RASA2: variants seen among roughly 807,000 people sequenced by gnomAD.
The protein encoded by RASA2 is RAS p21 protein activator 2, also known as ras GTPase-activating protein 2.
A neutral mutation model predicts 118.2 loss-of-function variants in RASA2; 155 were observed. The observed-to-expected ratio is 1.31, with a 90% CI of 1.15 to 1.50. The LOEUF is 1.50. Among genes scored for constraint, RASA2 ranks in the 40% most tolerant of loss-of-function variants. The pLI, the probability that RASA2 is intolerant of heterozygous loss-of-function variation, is 0.00. For synonymous variants in RASA2, 353 were observed against 349.1 expected (o/e 1.01, Z -0.12); for missense variants, 1,016 against 1,009.6 (o/e 1.01, Z -0.09).
At chr3:141,547,827 A>G (rs1246355731) in intron 5 of RASA2, among the ~76,000 whole-genome samples, 1 of 152,168 alleles carries the variant, frequency 6.6e-6, no homozygotes, top group Non-Finnish European at 1.5e-5. Context: ...GATATGTACT[A>G]TATGGCTTTT....
chr3:141,602,528 A>G (rs955332465), intron 19 of RASA2, among the ~76,000 whole-genome samples: 2 of 152,142 alleles, frequency 1.3e-5, no homozygotes, highest in African/African-American at 4.8e-5. Context: ...GTACCAGTCT[A>G]TGGTCCAGAT....
At chr3:141,558,844 AT>A (rs772910072) in intron 7 of RASA2, 41 bp from the exon 8 acceptor site, 3 of 1,425,540 alleles carry the variant, frequency 2.1e-6, no homozygotes, top group South Asian at 1.2e-5. Flanking sequence ...GGAAAAATGT[AT>A]TTTTTTAAAA....
chr3:141,560,669 TG>T (rs890491831), intron 9 of RASA2, among the ~76,000 whole-genome samples: 3 of 152,194 alleles, frequency 2.0e-5, no homozygotes, highest in African/African-American at 7.2e-5. Flanking sequence ...GTGAAACTAT[TG>T]TTTTTTTTCT....
chr3:141,496,315 A>G (rs1161062890), intron 1 of RASA2, among the ~76,000 whole-genome samples: 1 of 152,222 alleles, frequency 6.6e-6, no homozygotes, highest in Non-Finnish European at 1.5e-5. Context: ...AAAATTGACA[A>G]ATGGGATCTC....
At chr3:141,555,201 G>A (rs1303428912) in intron 6 of RASA2, among the ~76,000 whole-genome samples, 4 of 152,138 alleles carry the variant, frequency 2.6e-5, no homozygotes, top group African/African-American at 9.7e-5. Flanking sequence ...CGAAGGTTAT[G>A]GTGAACCGAG....
intron 5 of RASA2, among the ~76,000 whole-genome samples, chr3:141,550,179 T>C (rs1012203549): frequency 2.6e-5 from 4 of 152,146 alleles, no homozygotes; most frequent in Admixed American, 2.0e-4. Context: ...AGCATAAGTG[T>C]GGTGACAAGA....
At chr3:141,585,922 TAATG>T (rs1394906683) in intron 17 of RASA2, 99 bp from the exon 18 acceptor site, 10 of 816,216 alleles carry the variant, frequency 1.2e-5, no homozygotes, top group South Asian at 2.2e-5. Context: ...TATTCATTAA[TAATG>T]AAGAACTTCC....
chr3:141,519,292 T>G (rs992378457), intron 3 of RASA2, among the ~76,000 whole-genome samples: 1 of 152,184 alleles, frequency 6.6e-6, no homozygotes, highest in Admixed American at 6.5e-5. Flanking sequence ...TGAAAAAAAT[T>G]TGCCAATATG....
intron 20 of RASA2, among the ~76,000 whole-genome samples, chr3:141,608,012 A>T (rs1379625643): frequency 6.6e-6 from 1 of 152,140 alleles, no homozygotes; most frequent in East Asian, 1.9e-4. Flanking sequence ...TAGTTTGTTA[A>T]GTTAAAAATA....
chr3:141,610,088 G>A (rs374072458), intron 23 of RASA2, 22 bp downstream of exon 23: 389 of 1,526,952 alleles, frequency 2.5e-4, no homozygotes, highest in Non-Finnish European at 3.3e-4. Flanking sequence ...TTAAGCTATT[G>A]TAAACATATT....
chr3:141,569,771 C>T (rs2082885552), intron 9 of RASA2, among the ~76,000 whole-genome samples: 1 of 151,870 alleles, frequency 6.6e-6, no homozygotes, highest in African/African-American at 2.4e-5. Context: ...TTTTTCAATC[C>T]CTACCCCCCT....
Position 141,487,061 on chromosome 3 carries a change from TGCGGCACGGGCC to T in RASA2, c.-21_-10del. The stretch of plus-strand genomic sequence containing the variant: ...CGCCCGGCTACGCAGGCGGCAGGGC[TGCGGCACGGGCC>T]GGGCGGCACCATGGCGGCGGCGGCG... On this transcript the variant is annotated 5_prime_UTR_variant, in exon 1 of 24. Transcript: ENST00000286364. 1 of 1,245,830 alleles carries T rather than the reference TGCGGCACGGGCC, an allele frequency of 8.0e-7. No individual in the cohort carries two copies. Among genetic ancestry groups the T allele is most frequent in the Non-Finnish European group, 1.0e-6 (1 of 989,110 alleles). 77.2% of individuals were successfully genotyped at this position (1,245,830 alleles called of 1,614,324 possible). A position where few individuals can be genotyped will look rare whatever the true frequency, so the allele number is the denominator to read the frequency against.
Position 141,496,030 on chromosome 3 carries a change from G to T in RASA2, c.133+8814G>T, listed in dbSNP as rs542382644. Among the ~76,000 whole-genome samples, 26 of 152,268 alleles carry T rather than the reference G, an allele frequency of 1.7e-4. 1 individual carries two copies. The South Asian group carries it at 5.4e-3, about 32-fold the overall frequency. On this transcript the variant is annotated intron_variant, in intron 1 of 23. Coordinates refer to ENST00000286364, the MANE Select transcript of RASA2 (RefSeq NM_006506.5). ...GTAGATGGATAAATACATAAAAAGA[G>T]GTCTGAACAGTTGTACAGATAACAG...
In RASA2 at chr3:141,500,426, T is replaced by C. The variant is rs575776343; in HGVS notation, c.134-11737T>C. On this transcript the variant is annotated intron_variant, in intron 1 of 23. Coordinates refer to ENST00000286364, the MANE Select transcript of RASA2 (RefSeq NM_006506.5). ...ATATACAAAATATTTTTTAAGTGTG[T>C]GAAAACTGATTAAATGATAAAGGCT... 5.3e-5 allele frequency among the ~76,000 whole-genome samples: 8 copies of C among 152,330 alleles called. No homozygotes were observed. The South Asian group carries it at 1.4e-3, about 28-fold the overall frequency.
intron 9 of RASA2, among the ~76,000 whole-genome samples, chr3:141,564,186 T>C (rs997429402): frequency 4.6e-5 from 7 of 152,148 alleles, no homozygotes; most frequent in African/African-American, 1.7e-4. Context: ...ATGTTAAGAC[T>C]GTAGGCCTGG....
At chr3:141,530,491 A>G (rs1002790332) in intron 4 of RASA2, among the ~76,000 whole-genome samples, 4 of 152,072 alleles carry the variant, frequency 2.6e-5, no homozygotes, top group Non-Finnish European at 4.4e-5. Context: ...ATTTATTTAT[A>G]AAATATGGTA....
In RASA2 at chr3:141,577,042, T is replaced by TTC; in HGVS notation, c.1528_1529dup (p.Arg511PhefsTer6). 6.2e-7 allele frequency: 1 copy of TTC among 1,612,214 alleles called. No individual in the cohort carries two copies. The highest frequency in any genetic ancestry group is 8.5e-7 in the Non-Finnish European group (1 of 1,178,950). Reference sequence around the variant, plus strand: ...TATTCTGCAGTGAGCAGCTTTGTATTTCTTCGTTTCTTTGCTGTAGCCGTA... The same window carrying TTC: ...TATTCTGCAGTGAGCAGCTTTGTATTTCTCTTCGTTTCTTTGCTGTAGCCGTA... On this transcript the variant is annotated frameshift_variant, in exon 15 of 24. Coordinates refer to ENST00000286364, the MANE Select transcript of RASA2 (RefSeq NM_006506.5). LOFTEE classifies it high-confidence loss of function.
At chr3:141,559,676 G>C (rs2082701620) in intron 8 of RASA2, among the ~76,000 whole-genome samples, 1 of 152,036 alleles carries the variant, frequency 6.6e-6, no homozygotes, top group African/African-American at 2.4e-5. Flanking sequence ...CCTTCTTTCA[G>C]ACTATTTAAA....
intron 1 of RASA2, among the ~76,000 whole-genome samples, chr3:141,493,236 GA>G: frequency 6.6e-6 from 1 of 152,138 alleles, no homozygotes; most frequent in East Asian, 1.9e-4. Flanking sequence ...TATATATTGA[GA>G]GGTGGTAAGA....
Sources: gnomAD v4.1 joint callset for allele counts (sites outside exome capture counted in the v4.1 genomes callset) on GRCh38, gnomAD v4.1.1 for gene constraint, MANE v1.5 for transcripts, NCBI Gene and HGNC (gene_info 2026-07-23, HGNC 2026-07-21) for gene names.